The following RABGAP1L variants were observed in gnomAD, a reference collection of about 807,000 sequenced individuals.
RABGAP1L encodes RAB GTPase activating protein 1 like.
In RABGAP1L, 63 loss-of-function variants were observed where a neutral mutation model predicts 137.7. The ratio of observed to expected loss-of-function variants is 0.46; its 90% CI spans 0.37 to 0.56. The LOEUF is 0.56. Among genes scored for constraint, RABGAP1L ranks in the 20% least tolerant of loss-of-function variants. The probability of loss-of-function intolerance (pLI) is 0.00; values close to 1 mark genes in which losing one functional copy is unlikely to be tolerated. For synonymous variants in RABGAP1L, 431 were observed against 433.7 expected, an observed-to-expected ratio of 0.99 and a Z score of 0.08; for missense variants, 1,095 against 1,244.0, an observed-to-expected ratio of 0.88 and a Z score of 1.80.
intron 19 of RABGAP1L, among the ~76,000 whole-genome samples, chr1:174,862,121 G>A (rs1245340984): frequency 1.3e-5 from 2 of 152,078 alleles, no homozygotes; most frequent in African/African-American, 2.4e-5. Context: ...TGTTTGTTAT[G>A]GTATAAGATA....
rs559112338 is a variant in RABGAP1L at position 174,679,975 on chromosome 1, C to T, written c.1825-3547C>T. On this transcript the variant is annotated intron_variant, in intron 14 of 25. Coordinates refer to ENST00000681986, the MANE Select transcript of RABGAP1L (RefSeq NM_001366446.1). ...AAATGTAAATGCCAAAACAAAAAAA[C>T]TTCTAAAGAAAACATGGGAAAAAAT... is the stretch of plus-strand genomic sequence containing the variant. 8.1e-4 allele frequency among the ~76,000 whole-genome samples: 123 copies of T among 152,218 alleles called. No individual in the cohort carries two copies. In the South Asian group the frequency reaches 0.014, roughly 17 times the overall value.
chr1:174,256,697 C>G (rs1288448402), intron 7 of RABGAP1L, among the ~76,000 whole-genome samples: 1 of 152,196 alleles, frequency 6.6e-6, no homozygotes, highest in African/African-American at 2.4e-5. Flanking sequence ...AGGAGAATCC[C>G]TTGAACCCGG....
At chr1:174,445,519 A>G (rs994424474) in intron 13 of RABGAP1L, among the ~76,000 whole-genome samples, 49 of 152,002 alleles carry the variant, frequency 3.2e-4, no homozygotes, top group African/African-American at 9.7e-4. Context: ...TGTTAGTTCT[A>G]TTGCTTTGTT....
intron 1 of RABGAP1L, among the ~76,000 whole-genome samples, chr1:174,171,161 C>T (rs1319774075): frequency 6.6e-6 from 1 of 152,134 alleles, no homozygotes; most frequent in Non-Finnish European, 1.5e-5. Flanking sequence ...CTATAAGATC[C>T]TTCCAACATC....
At chr1:174,759,115 A>G (rs1483648519) in intron 18 of RABGAP1L, among the ~76,000 whole-genome samples, 1 of 152,148 alleles carries the variant, frequency 6.6e-6, no homozygotes, top group African/African-American at 2.4e-5. Flanking sequence ...ATGAAGTGCC[A>G]GGTACTGTTC....
intron 13 of RABGAP1L, among the ~76,000 whole-genome samples, chr1:174,534,104 C>T (rs1373393966): frequency 6.6e-6 from 1 of 150,826 alleles, no homozygotes; most frequent in African/African-American, 2.4e-5. Flanking sequence ...GCCAGTGCCC[C>T]AACTCCTGCA....
chr1:174,817,998 A>G (rs151259433), intron 19 of RABGAP1L, among the ~76,000 whole-genome samples: 12 of 152,346 alleles, frequency 7.9e-5, no homozygotes. Flanking sequence ...TATAAGCACT[A>G]AAGATAATGA....
At chr1:174,736,213 A>G (rs1682932486) in intron 17 of RABGAP1L, among the ~76,000 whole-genome samples, 2 of 152,268 alleles carry the variant, frequency 1.3e-5, no homozygotes, top group African/African-American at 4.8e-5. Context: ...CCCAGTTACA[A>G]TGGTGGTACA....
chr1:174,604,449 T>C (rs1185973674), intron 13 of RABGAP1L, among the ~76,000 whole-genome samples: 1 of 152,234 alleles, frequency 6.6e-6, no homozygotes, highest in Non-Finnish European at 1.5e-5. Flanking sequence ...AATTCAAGAC[T>C]GTCTTTTCTA....
chr1:174,366,355 T>G (rs1251465872), intron 11 of RABGAP1L, among the ~76,000 whole-genome samples: 1 of 152,186 alleles, frequency 6.6e-6, no homozygotes, highest in Non-Finnish European at 1.5e-5. Flanking sequence ...ATTTTCAGAT[T>G]TTTACATTGG....
At chr1:174,826,283 G>A (rs1443136023) in intron 19 of RABGAP1L, among the ~76,000 whole-genome samples, 3 of 152,064 alleles carry the variant, frequency 2.0e-5, no homozygotes, top group South Asian at 4.1e-4. Context: ...CCAGGCTGGA[G>A]TGCAATGGTG....
chr1:174,195,739 C>G (rs1177353555), intron 1 of RABGAP1L, among the ~76,000 whole-genome samples: 1 of 126,818 alleles, frequency 7.9e-6, no homozygotes, highest in Non-Finnish European at 1.7e-5. Flanking sequence ...TCTTTTCTTT[C>G]TTTCTTTCTT....
In RABGAP1L at chr1:174,225,926, G is replaced by A. The variant is rs554815094; in HGVS notation, c.331+4762G>A. Among the ~76,000 whole-genome samples, 436 of 152,150 alleles carry A rather than the reference G, an allele frequency of 2.9e-3. 2 individuals are homozygous for A. The highest frequency in any genetic ancestry group is 4.9e-3 in the Non-Finnish European group (335 of 68,002). On this transcript the variant is annotated intron_variant, in intron 3 of 25. Transcript: ENST00000681986. The stretch of plus-strand genomic sequence containing the variant: ...TTTGCTTTGGTATTTTAGCCTTTGA[G>A]ACACATTTCTTTTCCTCCAGATTGT...
At position 174,262,303 on chromosome 1, in the gene RABGAP1L, T is replaced by C. The variant is rs148880772; in HGVS notation, c.986+9713T>C. On this transcript the variant is annotated intron_variant, in intron 7 of 25. Transcript: ENST00000681986. ...AGTGGGGAGAGGCGGCATCATGGTT[T>C]AAGTATTAAATGTGGATGTAGTACT... Among the ~76,000 whole-genome samples, 105 of 152,354 alleles carry C rather than the reference T, an allele frequency of 6.9e-4. 1 individual carries two copies. The highest frequency in any genetic ancestry group is 2.3e-3 in the African/African-American group (95 of 41,586).
chr1:174,761,138 G>A lies in RABGAP1L; in HGVS notation c.2211+8784G>A, dbSNP rs948050700. On this transcript the variant is annotated intron_variant, in intron 18 of 25. Transcript: ENST00000681986. This position sits in a 1 kb window ranked among gnomAD's most constrained non-coding sequence, Gnocchi z 4.0. ...GCCAGGCCTCACAATCATGAAGGAC[G>A]GCAAGGAGGAGCAAGTCACATCCAA... 7.9e-5 allele frequency among the ~76,000 whole-genome samples: 12 copies of A among 152,166 alleles called. No individual in the cohort carries two copies. Among genetic ancestry groups the A allele is most frequent in the East Asian group, 3.9e-4 (2 of 5,194 alleles).
At chr1:174,925,197 C>G (rs1309760391) in intron 19 of RABGAP1L, among the ~76,000 whole-genome samples, 3 of 151,722 alleles carry the variant, frequency 2.0e-5, no homozygotes, top group Admixed American at 2.0e-4. Flanking sequence ...AACCCCGTCT[C>G]TACTAAAAAT....
chr1:174,773,604 A>G (rs1248652674), intron 18 of RABGAP1L, among the ~76,000 whole-genome samples: 1 of 152,234 alleles, frequency 6.6e-6, no homozygotes, highest in Non-Finnish European at 1.5e-5. Context: ...TTGGTTGAAT[A>G]GGATAGAAGC....
At chr1:174,380,675 CT>C (rs1686052537) in intron 12 of RABGAP1L, among the ~76,000 whole-genome samples, 1 of 149,450 alleles carries the variant, frequency 6.7e-6, no homozygotes, top group African/African-American at 2.5e-5. Context: ...TGATTCTTCT[CT>C]CTTTTTTTCT....
intron 11 of RABGAP1L, among the ~76,000 whole-genome samples, chr1:174,350,035 CCGGGCAGAGGCGCCCCTCACCTCCCGGA>C (rs1682963731): frequency 8.4e-6 from 1 of 119,062 alleles, no homozygotes; most frequent in Admixed American, 7.9e-5. Context: ...GTAGGGGCGG[CCGGGCAGAGGCGCCCCTCACCTCCCGGA>C]CGGGGCGGCT....
Sources: gnomAD v4.1 joint callset for allele counts (sites outside exome capture counted in the v4.1 genomes callset) on GRCh38, gnomAD v4.1.1 for gene constraint, Gnocchi (gnomAD v3.1) non-coding constraint, MANE v1.5 for transcripts, NCBI Gene and HGNC (gene_info 2026-07-23, HGNC 2026-07-21) for gene names.